The following CCDC178 variants were observed in gnomAD, a reference collection of about 807,000 sequenced individuals.
CCDC178 encodes coiled-coil domain-containing protein 178.
In CCDC178, 126 loss-of-function variants were observed where a neutral mutation model predicts 117.4. That is an observed-to-expected ratio of 1.07 (90% CI 0.93 to 1.24). CCDC178 has a LOEUF of 1.24. Ranked by LOEUF, CCDC178 falls within the 50% of genes most tolerant of loss-of-function variation. CCDC178 has a pLI of 0.00. For synonymous variants in CCDC178, 283 were observed against 313.4 expected (o/e 0.90, Z 1.02); for missense variants, 1,030 against 986.9 (o/e 1.04, Z -0.59).
chr18:33,379,166 T>A (rs922861351), intron 5 of CCDC178, among the ~76,000 whole-genome samples: 2 of 136,926 alleles, frequency 1.5e-5, no homozygotes, highest in African/African-American at 5.4e-5. Context: ...TATATTTCCA[T>A]ATATATAATA....
chr18:33,005,554 A>G (rs2055729408), intron 21 of CCDC178, among the ~76,000 whole-genome samples: 1 of 152,120 alleles, frequency 6.6e-6, no homozygotes, highest in African/African-American at 2.4e-5. Flanking sequence ...TGATAACGCA[A>G]CAGAGTGACA....
intron 15 of CCDC178, among the ~76,000 whole-genome samples, chr18:33,241,682 G>A (rs1043482203): frequency 6.6e-6 from 1 of 150,966 alleles, no homozygotes; most frequent in African/African-American, 2.4e-5. Flanking sequence ...ATTTTTACAA[G>A]GAAATCTATG....
chr18:33,432,683 T>C (rs553122885), intron 2 of CCDC178, among the ~76,000 whole-genome samples: 176 of 152,316 alleles, frequency 1.2e-3, no homozygotes, highest in African/African-American at 4.1e-3. Context: ...AGGGAAACAT[T>C]ATCTTCATGC....
intron 9 of CCDC178, among the ~76,000 whole-genome samples, chr18:33,343,835 G>A (rs2062848363): frequency 6.6e-6 from 1 of 151,954 alleles, no homozygotes; most frequent in South Asian, 2.1e-4. Context: ...ATTTTTTCCT[G>A]TCTTACATGC....
rs1038921832 is a variant in CCDC178 at position 33,415,820 on chromosome 18, A to T, written c.-22-3710T>A. 3.3e-5 allele frequency among the ~76,000 whole-genome samples: 5 copies of T among 152,294 alleles called. No individual in the cohort carries two copies. The East Asian group carries it at 7.7e-4, about 24-fold the overall frequency. On this transcript the variant is annotated intron_variant, in intron 2 of 22. Transcript: ENST00000383096. ...TTATTCCTTCCTGTAAGTACAATAA[A>T]AAAAACTCTGGGTGCATTATATGTA...
chr18:33,287,358 G>GA (rs1468922669), intron 12 of CCDC178, among the ~76,000 whole-genome samples: 1 of 152,132 alleles, frequency 6.6e-6, no homozygotes, highest in East Asian at 1.9e-4. Flanking sequence ...GCAAAATACA[G>GA]AAAAAATTAA....
At chr18:33,096,944 A>G (rs959993081) in intron 20 of CCDC178, among the ~76,000 whole-genome samples, 3 of 152,124 alleles carry the variant, frequency 2.0e-5, no homozygotes, top group African/African-American at 7.2e-5. Flanking sequence ...TATTATCCGC[A>G]TGTCACAGGT....
In CCDC178 at chr18:33,348,872, T is replaced by G; in HGVS notation, c.457+18A>C. 6.7e-7 allele frequency: 1 copy of G among 1,497,996 alleles called. No individual in the cohort carries two copies. 92.8% of individuals were successfully genotyped at this position (1,497,996 alleles called of 1,614,324 possible). A position where few individuals can be genotyped will look rare whatever the true frequency, so the allele number is the denominator to read the frequency against. ...TTTTAAATATATACAGTTATTCAAG[T>G]AGGAGGAACAACTTTACCTCTCTTT... On this transcript the variant is annotated intron_variant, in intron 8 of 22. Coordinates refer to ENST00000383096, the MANE Select transcript of CCDC178 (RefSeq NM_001105528.4).
At chr18:33,141,534 C>T (rs987804440) in intron 20 of CCDC178, among the ~76,000 whole-genome samples, 13 of 152,168 alleles carry the variant, frequency 8.5e-5, no homozygotes, top group African/African-American at 3.1e-4. Flanking sequence ...CTGCTCACTG[C>T]TCAAGGTTAG....
At chr18:32,989,056 T>C (rs1434084681) in intron 21 of CCDC178, among the ~76,000 whole-genome samples, 2 of 152,142 alleles carry the variant, frequency 1.3e-5, no homozygotes, top group African/African-American at 2.4e-5. Context: ...TTTCTTCCAA[T>C]TGTATGCCAA....
intron 6 of CCDC178, among the ~76,000 whole-genome samples, chr18:33,366,617 A>G (rs1439718641): frequency 6.6e-6 from 1 of 152,078 alleles, no homozygotes; most frequent in Admixed American, 6.6e-5. Flanking sequence ...AGAGTTCACC[A>G]ATGTATACAA....
At chr18:32,950,512 G>T (rs1478267317) in intron 22 of CCDC178, among the ~76,000 whole-genome samples, 2 of 152,102 alleles carry the variant, frequency 1.3e-5, no homozygotes, top group Non-Finnish European at 2.9e-5. Context: ...ACTTCATTTT[G>T]GCTGGATGTG....
intron 6 of CCDC178, among the ~76,000 whole-genome samples, chr18:33,359,872 C>T (rs2063102684): frequency 6.6e-6 from 1 of 151,122 alleles, no homozygotes; most frequent in Non-Finnish European, 1.5e-5. Context: ...AGCCACATTG[C>T]CCACAAACTT....
chr18:33,089,895 T>A (rs1011496604), intron 21 of CCDC178, among the ~76,000 whole-genome samples: 1 of 147,394 alleles, frequency 6.8e-6, no homozygotes, highest in African/African-American at 2.7e-5. Flanking sequence ...TTTTCCTTCA[T>A]GTATTTCTAG....
chr18:33,262,629 T>C (rs1202586551), intron 14 of CCDC178, among the ~76,000 whole-genome samples: 2 of 152,172 alleles, frequency 1.3e-5, no homozygotes, highest in East Asian at 3.9e-4. Context: ...AAACACGTAT[T>C]GCATGCAAAC....
intron 12 of CCDC178, among the ~76,000 whole-genome samples, chr18:33,275,048 A>T (rs1170233259): frequency 6.6e-6 from 1 of 152,124 alleles, no homozygotes; most frequent in African/African-American, 2.4e-5. Flanking sequence ...TCTAAAATCA[A>T]ATAGTATGCC....
intron 14 of CCDC178, 61 bp downstream of exon 14, chr18:33,266,855 G>A (rs1364720400): frequency 1.5e-6 from 2 of 1,378,570 alleles, no homozygotes; most frequent in Non-Finnish European, 2.0e-6. Context: ...AACTGGAGAG[G>A]TTTATTGTAT....
chr18:33,017,269 G>A (rs2056011593), intron 21 of CCDC178, among the ~76,000 whole-genome samples: 1 of 151,808 alleles, frequency 6.6e-6, no homozygotes, highest in African/African-American at 2.4e-5. Flanking sequence ...AAGGGTACAA[G>A]ATCAATGAAC....
At chr18:33,227,057 T>G (rs529200507) in intron 15 of CCDC178, among the ~76,000 whole-genome samples, 1 of 152,236 alleles carries the variant, frequency 6.6e-6, no homozygotes, top group Admixed American at 6.5e-5. Flanking sequence ...GGAATTAGAC[T>G]ACAAAATTTC....
Sources: gnomAD v4.1 joint callset for allele counts (sites outside exome capture counted in the v4.1 genomes callset) on GRCh38, gnomAD v4.1.1 for gene constraint, MANE v1.5 for transcripts, NCBI Gene and HGNC (gene_info 2026-07-23, HGNC 2026-07-21) for gene names.